The following SLC71A1 variants were observed in gnomAD, a reference collection of about 807,000 sequenced individuals.
SLC71A1 encodes solute carrier family 71 member 1.
the SLC71A1 span, chr1:100,080,464 T>TTA: frequency 6.3e-7 from 1 of 1,586,798 alleles, no homozygotes; most frequent in Non-Finnish European, 8.6e-7. Flanking sequence ...ACCAGGTAGT[T>TTA]TACTAAGTGA....
chr1:100,057,060 T>C, the SLC71A1 span, among the ~76,000 whole-genome samples: 1 of 152,212 alleles, frequency 6.6e-6, no homozygotes, highest in African/African-American at 2.4e-5. Flanking sequence ...TTATACATTT[T>C]TGTTATTAAT....
the SLC71A1 span, chr1:100,068,493 A>T: frequency 6.2e-7 from 1 of 1,612,870 alleles, no homozygotes; most frequent in Non-Finnish European, 8.5e-7. Flanking sequence ...AAGTCGGCCA[A>T]GATTCCATAG....
the SLC71A1 span, among the ~76,000 whole-genome samples, chr1:100,066,772 G>A: frequency 6.6e-6 from 1 of 151,886 alleles, no homozygotes; most frequent in Non-Finnish European, 1.5e-5. Context: ...GGCGGATCAC[G>A]AGGTCAGGAG....
chr1:100,063,400 A>C, the SLC71A1 span, among the ~76,000 whole-genome samples: 1 of 152,174 alleles, frequency 6.6e-6, no homozygotes, highest in Non-Finnish European at 1.5e-5. Flanking sequence ...CCAGTTTGGG[A>C]GGCCAAGGCA....
the SLC71A1 span, among the ~76,000 whole-genome samples, chr1:100,074,722 C>T: frequency 6.7e-6 from 1 of 150,210 alleles, no homozygotes; most frequent in African/African-American, 2.5e-5. Flanking sequence ...ACTAAAAATA[C>T]AAAAATTAGC....
the SLC71A1 span, among the ~76,000 whole-genome samples, chr1:100,069,011 A>G: frequency 6.6e-6 from 1 of 152,080 alleles, no homozygotes; most frequent in Non-Finnish European, 1.5e-5. Flanking sequence ...AAATAAATAA[A>G]AAGAATATTA....
At chr1:100,063,817 CG>C in the SLC71A1 span, among the ~76,000 whole-genome samples, 1 of 152,020 alleles carries the variant, frequency 6.6e-6, no homozygotes, top group Admixed American at 6.6e-5. Context: ...TTGGGGGGTG[CG>C]GGGTGACCCC....
chr1:100,082,465 C>A, the SLC71A1 span: 41 of 465,974 alleles, frequency 8.8e-5, no homozygotes, highest in Non-Finnish European at 1.4e-4. Flanking sequence ...TTTTATTATA[C>A]ATCCTTTAAT....
At chr1:100,047,629 TC>T in the SLC71A1 span, among the ~76,000 whole-genome samples, 2 of 151,990 alleles carry the variant, frequency 1.3e-5, no homozygotes, top group African/African-American at 4.8e-5. Context: ...TTCATGTTGG[TC>T]AGGCTGGTCT....
chr1:100,066,883 G>A, the SLC71A1 span, among the ~76,000 whole-genome samples: 1 of 151,542 alleles, frequency 6.6e-6, no homozygotes, highest in Non-Finnish European at 1.5e-5. Flanking sequence ...CAGCTATTCG[G>A]GAGGCTGAGG....
chr1:100,057,320 T>C, the SLC71A1 span, among the ~76,000 whole-genome samples: 37 of 151,762 alleles, frequency 2.4e-4, no homozygotes, highest in African/African-American at 8.9e-4. Context: ...TTCATTTACA[T>C]ACAGTCTGCG....
chr1:100,063,501 TA>T, the SLC71A1 span, among the ~76,000 whole-genome samples: 20 of 147,972 alleles, frequency 1.4e-4, no homozygotes, highest in South Asian at 6.4e-4. Flanking sequence ...CCCTGTCTCT[TA>T]AAAAAAAAAG....
chr1:100,081,680 T>G, the SLC71A1 span, among the ~76,000 whole-genome samples: 5 of 152,182 alleles, frequency 3.3e-5, no homozygotes, highest in Non-Finnish European at 7.4e-5. Flanking sequence ...GCAGCCTGAT[T>G]TTATTTTTGA....
At chr1:100,080,421 A>G in the SLC71A1 span, 2 of 1,164,972 alleles carry the variant, frequency 1.7e-6, no homozygotes, top group Non-Finnish European at 2.5e-6. Context: ...AAGTGATTTC[A>G]TATTTGTACT....
At chr1:100,055,685 G>T in the SLC71A1 span, among the ~76,000 whole-genome samples, 2 of 152,050 alleles carry the variant, frequency 1.3e-5, no homozygotes, top group Non-Finnish European at 2.9e-5. Context: ...GGTAAATGGG[G>T]TATCCATCAT....
the SLC71A1 span, among the ~76,000 whole-genome samples, chr1:100,055,509 A>G: frequency 5.9e-5 from 9 of 152,010 alleles, no homozygotes; most frequent in African/African-American, 2.2e-4. Context: ...GAGTTTCTCA[A>G]AGACCTCCCA....
At chr1:100,040,118 C>T in the SLC71A1 span, among the ~76,000 whole-genome samples, 10 of 152,170 alleles carry the variant, frequency 6.6e-5, no homozygotes, top group African/African-American at 2.2e-4. Flanking sequence ...ATTTCATTCT[C>T]TATTCTAAGA....
the SLC71A1 span, among the ~76,000 whole-genome samples, chr1:100,051,264 A>C: frequency 6.6e-6 from 1 of 150,640 alleles, no homozygotes; most frequent in Admixed American, 6.6e-5. Flanking sequence ...GGTGGTACGC[A>C]CCTGTAATCC....
chr1:100,048,329 G>A, the SLC71A1 span, among the ~76,000 whole-genome samples: 1 of 152,060 alleles, frequency 6.6e-6, no homozygotes, highest in South Asian at 2.1e-4. Context: ...ACAGGCACAC[G>A]CCACCATGCC....
Sources: gnomAD v4.1 joint callset for allele counts (sites outside exome capture counted in the v4.1 genomes callset) on GRCh38, gnomAD v4.1.1 for gene constraint, MANE v1.5 for transcripts, NCBI Gene and HGNC (gene_info 2026-07-23, HGNC 2026-07-21) for gene names.